XKR4: variants seen among roughly 807,000 people sequenced by gnomAD.
XKR4 encodes XK related 4, also known as XK-related protein 4.
A neutral mutation model predicts 53.9 loss-of-function variants in XKR4; 12 were observed. The observed-to-expected ratio is 0.22, with a 90% CI of 0.14 to 0.36. The LOEUF (loss-of-function observed/expected upper bound fraction) is 0.36, where lower values mean the gene tolerates loss of function less well. Ranked by LOEUF, XKR4 falls within the 10% of genes least tolerant of loss-of-function variation. XKR4 has a pLI of 1.00. For missense variants in XKR4, 799 were observed against 859.5 expected (o/e 0.93, Z 0.88); for synonymous variants, 354 against 362.4 (o/e 0.98, Z 0.26).
chr8:55,342,342 A>T (rs997238538), intron 1 of XKR4, among the ~76,000 whole-genome samples: 1 of 152,054 alleles, frequency 6.6e-6, no homozygotes, highest in Non-Finnish European at 1.5e-5. Context: ...ATCACTTGCC[A>T]GGTTATTGCA....
chr8:55,464,827 T>C (rs1805731869), intron 2 of XKR4, among the ~76,000 whole-genome samples: 1 of 152,122 alleles, frequency 6.6e-6, no homozygotes, highest in African/African-American at 2.4e-5. Flanking sequence ...TCAAAAGCAT[T>C]CTTATACACC....
Position 55,289,573 on chromosome 8 carries a change from G to A in XKR4, c.807-68105G>A, listed in dbSNP as rs1347360672. On this transcript the variant is annotated intron_variant, in intron 1 of 2. Coordinates refer to ENST00000327381, the MANE Select transcript of XKR4 (RefSeq NM_052898.2). The stretch of plus-strand genomic sequence containing the variant: ...GGAAGGAAGGAAGGAAGGAAGGAGA[G>A]AGAAAGGAAGAAAGAAAGAGAAAGA... 7.0e-3 allele frequency among the ~76,000 whole-genome samples: 609 copies of A among 86,894 alleles called. 6 individuals are homozygous for A. Among genetic ancestry groups the A allele is most frequent in the East Asian group, 0.014 (33 of 2,320 alleles). 57.0% of individuals were successfully genotyped at this position (86,894 alleles called of 152,430 possible). A position where few individuals can be genotyped will look rare whatever the true frequency, so the allele number is the denominator to read the frequency against.
chr8:55,164,220 T>TCCCCACA (rs764398239), intron 1 of XKR4: 21 of 456,622 alleles, frequency 4.6e-5, no homozygotes, highest in African/African-American at 4.2e-4. Context: ...GCACCTTTCC[T>TCCCCACA]GAATTCTGTC....
chr8:55,133,887 G>A (rs1816589338), intron 1 of XKR4, among the ~76,000 whole-genome samples: 1 of 152,156 alleles, frequency 6.6e-6, no homozygotes, highest in Non-Finnish European at 1.5e-5. Flanking sequence ...GGGAAATACA[G>A]CAAAGTTAAT....
At chr8:55,229,221 G>A (rs1314779900) in intron 1 of XKR4, among the ~76,000 whole-genome samples, 2 of 152,036 alleles carry the variant, frequency 1.3e-5, no homozygotes, top group African/African-American at 4.8e-5. Flanking sequence ...GAAAGGGGCC[G>A]GCTGACAGCA....
chr8:55,465,604 A>T (rs1805753688), intron 2 of XKR4, among the ~76,000 whole-genome samples: 1 of 151,694 alleles, frequency 6.6e-6, no homozygotes. Flanking sequence ...AAACACCAAA[A>T]GCAATGGCAA....
intron 2 of XKR4, among the ~76,000 whole-genome samples, chr8:55,498,469 C>T (rs1273502484): frequency 6.6e-6 from 1 of 152,154 alleles, no homozygotes; most frequent in Non-Finnish European, 1.5e-5. Context: ...CCAGGGGTCA[C>T]CTGGCTGCTG....
chr8:55,269,425 T>C (rs1818657168), intron 1 of XKR4, among the ~76,000 whole-genome samples: 1 of 152,218 alleles, frequency 6.6e-6, no homozygotes, highest in East Asian at 1.9e-4. Flanking sequence ...ATAAATTGTT[T>C]AATCTGAAAT....
chr8:55,345,758 G>A (rs1204044253), intron 1 of XKR4, among the ~76,000 whole-genome samples: 1 of 152,188 alleles, frequency 6.6e-6, no homozygotes, highest in African/African-American at 2.4e-5. Flanking sequence ...TCTGGTGAGA[G>A]GTGGTGTGCT....
intron 2 of XKR4, among the ~76,000 whole-genome samples, chr8:55,368,015 C>T (rs1274421658): frequency 6.6e-6 from 1 of 152,144 alleles, no homozygotes; most frequent in Non-Finnish European, 1.5e-5. Flanking sequence ...GGCTGGAGTG[C>T]AGTGGCACAA....
Position 55,102,733 on chromosome 8 carries a change from G to C in XKR4, c.245G>C (p.Gly82Ala), listed in dbSNP as rs1250402562. The change falls in exon 1 of 3, where the codon GGC becomes GCC. Residue 82 changes from glycine (G) to alanine (A), a missense_variant. Transcript: ENST00000327381. The surrounding 1 kb of genome is among the most constrained non-coding windows in gnomAD (Gnocchi z 5.1). Reference protein sequence around the residue: ...GGSAGSGGSGGVAGPGGGGAG... With the variant: ...GGSAGSGGSGAVAGPGGGGAG... Reference sequence around the variant, plus strand: ...TCCGCGGGCTCGGGCGGCTCCGGCGGCGTCGCCGGCCCGGGCGGCGGCGGG... The same window carrying C: ...TCCGCGGGCTCGGGCGGCTCCGGCGCCGTCGCCGGCCCGGGCGGCGGCGGG... 5 of 1,183,524 alleles carry C rather than the reference G, an allele frequency of 4.2e-6. No individual in the cohort carries two copies. Among genetic ancestry groups the C allele is most frequent in the Non-Finnish European group, 5.2e-6 (5 of 957,048 alleles). 73.3% of individuals were successfully genotyped at this position (1,183,524 alleles called of 1,614,324 possible). A position where few individuals can be genotyped will look rare whatever the true frequency, so the allele number is the denominator to read the frequency against.
chr8:55,132,591 C>A (rs932381129), intron 1 of XKR4, among the ~76,000 whole-genome samples: 1 of 151,996 alleles, frequency 6.6e-6, no homozygotes, highest in South Asian at 2.1e-4. Context: ...ACAGTGAAAC[C>A]GAAGATATGG....
intron 1 of XKR4, among the ~76,000 whole-genome samples, chr8:55,265,450 G>A (rs907931950): frequency 6.6e-6 from 1 of 152,152 alleles, no homozygotes; most frequent in Admixed American, 6.5e-5. Context: ...TGGTCCCTCA[G>A]CAGTGGGATC....
chr8:55,260,873 G>T (rs1292177977), intron 1 of XKR4, among the ~76,000 whole-genome samples: 1 of 152,190 alleles, frequency 6.6e-6, no homozygotes, highest in Middle Eastern at 3.2e-3. Flanking sequence ...CTGGTCCCAG[G>T]TAGCCTTTTC....
chr8:55,293,809 C>A (rs1455628783), intron 1 of XKR4, among the ~76,000 whole-genome samples: 1 of 152,092 alleles, frequency 6.6e-6, no homozygotes, highest in East Asian at 1.9e-4. Context: ...TGATTTGACT[C>A]ATTCTGTCAT....
Position 55,462,105 on chromosome 8 carries a change from A to C in XKR4, c.1007-61176A>C, listed in dbSNP as rs181567355. On this transcript the variant is annotated intron_variant, in intron 2 of 2. Coordinates refer to ENST00000327381, the MANE Select transcript of XKR4 (RefSeq NM_052898.2). ...TCTAGCAAGGCAGGTCAACATTCAA[A>C]TTCAGAAAATACAGAGAATGTCACA... Among the ~76,000 whole-genome samples the C allele has an allele frequency of 2.9e-3, 437 of 152,330 alleles. 4 individuals are homozygous for C. The highest frequency in any genetic ancestry group is 0.027 in the Middle Eastern group (8 of 294).
chr8:55,270,315 CCA>C (rs1393193481), intron 1 of XKR4, among the ~76,000 whole-genome samples: 1 of 152,170 alleles, frequency 6.6e-6, no homozygotes, highest in Non-Finnish European at 1.5e-5. Flanking sequence ...TCCCCACCTC[CCA>C]CATTTACCTC....
intron 1 of XKR4, among the ~76,000 whole-genome samples, chr8:55,341,582 A>G (rs1803547479): frequency 6.6e-6 from 1 of 152,220 alleles, no homozygotes; most frequent in Non-Finnish European, 1.5e-5. Context: ...TTCTGAAGAC[A>G]TCTGTGTCAT....
intron 2 of XKR4, among the ~76,000 whole-genome samples, chr8:55,514,379 C>T (rs1259028759): frequency 6.6e-6 from 1 of 151,880 alleles, no homozygotes; most frequent in Non-Finnish European, 1.5e-5. Context: ...GCCTCAGCCT[C>T]CCGAGTAGCT....
Sources: gnomAD v4.1 joint callset for allele counts (sites outside exome capture counted in the v4.1 genomes callset) on GRCh38, gnomAD v4.1.1 for gene constraint, Gnocchi (gnomAD v3.1) non-coding constraint, MANE v1.5 for transcripts, NCBI Gene and HGNC (gene_info 2026-07-23, HGNC 2026-07-21) for gene names.